Variants in CMIP observed in about 807,000 individuals in gnomAD.
CMIP encodes the protein c-Maf inducing protein.
In CMIP, 13 loss-of-function variants were observed where a neutral mutation model predicts 97.3. That is an observed-to-expected ratio of 0.13 (90% CI 0.09 to 0.21). The LOEUF is 0.21. CMIP is among the 10% of genes least tolerant of loss of function. CMIP has a pLI of 1.00. For synonymous variants in CMIP, 538 were observed against 436.3 expected, an observed-to-expected ratio of 1.23 and a Z score of -2.91; for missense variants, 847 against 1,024.9, an observed-to-expected ratio of 0.83 and a Z score of 2.37.
intron 1 of CMIP, among the ~76,000 whole-genome samples, chr16:81,526,782 C>T (rs769527366): frequency 5.7e-4 from 86 of 152,204 alleles, no homozygotes; most frequent in Non-Finnish European, 1.0e-3. Context: ...GGCCCCAGCC[C>T]GCCAGAGGAG....
At chr16:81,595,017 A>G (rs2091529964) in intron 1 of CMIP, among the ~76,000 whole-genome samples, 1 of 150,018 alleles carries the variant, frequency 6.7e-6, no homozygotes, top group Non-Finnish European at 1.5e-5. Flanking sequence ...ATACTACAAT[A>G]AAGGTAATAT....
chr16:81,692,004 C>T (rs1906135734), intron 11 of CMIP, among the ~76,000 whole-genome samples, 164 bp downstream of exon 11: 2 of 152,118 alleles, frequency 1.3e-5, no homozygotes, highest in Non-Finnish European at 2.9e-5. Context: ...AGCTGTGGGA[C>T]CCCTGGGGAG....
chr16:81,498,939 G>A (rs1036287027), intron 1 of CMIP, among the ~76,000 whole-genome samples: 3 of 152,160 alleles, frequency 2.0e-5, no homozygotes, highest in African/African-American at 7.2e-5. Context: ...ACACACACAT[G>A]CATACCATTT....
At chr16:81,519,679 T>A (rs781472266) in intron 1 of CMIP, 1 of 152,240 alleles carries the variant, frequency 6.6e-6, no homozygotes, top group Non-Finnish European at 1.5e-5. Flanking sequence ...GGGGTTGTTA[T>A]GACGATAAGA....
At chr16:81,497,230 G>A (rs2089507905) in intron 1 of CMIP, among the ~76,000 whole-genome samples, 1 of 152,208 alleles carries the variant, frequency 6.6e-6, no homozygotes, top group African/African-American at 2.4e-5. Context: ...GGCTCTGATG[G>A]CTCCCATTTA....
intron 1 of CMIP, among the ~76,000 whole-genome samples, chr16:81,475,772 TC>T (rs1907869530): frequency 6.6e-6 from 1 of 152,054 alleles, no homozygotes. Flanking sequence ...GATCATGAGG[TC>T]AGGAGATCAG....
rs1202084658 is a variant in CMIP at position 81,672,061 on chromosome 16, T to G, written c.1025T>G (p.Phe342Cys). 1 of 1,593,832 alleles carries G rather than the reference T, an allele frequency of 6.3e-7. No individual in the cohort carries two copies. The change falls in exon 9 of 21, where the codon TTC (phenylalanine) becomes TGC (cysteine). Residue 342 changes from phenylalanine (F) to cysteine (C), a missense_variant. This residue lies in a region of CMIP where 285 missense variants were observed against 392.2 expected (regional missense o/e 0.73). Coordinates refer to ENST00000537098, the MANE Select transcript of CMIP (RefSeq NM_198390.3). ...GCCATCTACTCCTGCTATGAAGAGT[T>G]CATCAACAGGTCAGTTGCTGAACCA... ...LAAIYSCYEEFINSRDNSPSL... is the reference protein window; with the variant it reads ...LAAIYSCYEECINSRDNSPSL...
intron 2 of CMIP, chr16:81,610,432 A>AAGG (rs2091812324): frequency 3.0e-6 from 3 of 985,388 alleles, no homozygotes; most frequent in Admixed American, 6.1e-5. Context: ...AGCAGAGGAA[A>AAGG]AGGAGGAGGA....
At chr16:81,701,913 T>G in intron 16 of CMIP, 113 bp downstream of exon 16, 1 of 1,350,286 alleles carries the variant, frequency 7.4e-7, no homozygotes, top group Non-Finnish European at 1.0e-6. Context: ...CTCGTTGAAT[T>G]CTCCTCCAAA....
chr16:81,669,635 TCCACACC>T (rs2092660397), intron 7 of CMIP, among the ~76,000 whole-genome samples: 3 of 126,908 alleles, frequency 2.4e-5, no homozygotes, highest in Admixed American at 8.0e-5. Flanking sequence ...CTCACCTCCT[TCCACACC>T]CACCTCACAC....
chr16:81,639,669 T>G (rs774941767), intron 3 of CMIP, among the ~76,000 whole-genome samples: 11 of 152,222 alleles, frequency 7.2e-5, no homozygotes, highest in Non-Finnish European at 1.2e-4. Context: ...CTGGGTTGCT[T>G]CTGCCTTTTG....
chr16:81,598,512 A>G (rs1262665303), intron 1 of CMIP, among the ~76,000 whole-genome samples: 1 of 152,234 alleles, frequency 6.6e-6, no homozygotes, highest in East Asian at 1.9e-4. Flanking sequence ...TTTAGGCTAC[A>G]AAGAACTTTA....
chr16:81,670,365 A>G, intron 8 of CMIP, 120 bp downstream of exon 8: 1 of 1,057,348 alleles, frequency 9.5e-7, no homozygotes. Context: ...TCTATGAGGA[A>G]GCCCCTAGCC....
intron 1 of CMIP, among the ~76,000 whole-genome samples, chr16:81,542,379 C>T (rs899680778): frequency 6.6e-6 from 1 of 152,176 alleles, no homozygotes; most frequent in Non-Finnish European, 1.5e-5. Flanking sequence ...GTTGTATGCT[C>T]TGTGAGGCAC....
chr16:81,695,917 G>GGA (rs35257343), intron 13 of CMIP: 43,348 of 150,302 alleles, frequency 0.29, 6,344 homozygotes, highest in Middle Eastern at 0.37. Flanking sequence ...CCAAAGAGGG[G>GGA]GAGAGAGAGA....
At chr16:81,603,204 C>T (rs530963711) in intron 1 of CMIP, among the ~76,000 whole-genome samples, 22 of 152,268 alleles carry the variant, frequency 1.4e-4, no homozygotes, top group South Asian at 4.1e-4. Context: ...CTCAGCCTCT[C>T]GAGTAGCTGG....
At chr16:81,565,322 C>G (rs375665642) in intron 1 of CMIP, among the ~76,000 whole-genome samples, 2 of 152,194 alleles carry the variant, frequency 1.3e-5, no homozygotes, top group South Asian at 2.1e-4. Flanking sequence ...GCCTCTCTCC[C>G]TGTTCCAGAT....
intron 1 of CMIP, among the ~76,000 whole-genome samples, chr16:81,576,659 A>G (rs2091194647): frequency 1.3e-5 from 2 of 152,084 alleles, no homozygotes; most frequent in South Asian, 4.1e-4. Context: ...GTGGTGTATT[A>G]CCCACTGCTG....
In CMIP at chr16:81,482,992, T is replaced by G. The variant is rs151143308; in HGVS notation, c.300+37451T>G. Among the ~76,000 whole-genome samples the G allele has an allele frequency of 3.4e-3, 524 of 152,358 alleles. 5 individuals are homozygous for G. Among genetic ancestry groups the G allele is most frequent in the African/African-American group, 0.012 (495 of 41,594 alleles). On this transcript the variant is annotated intron_variant, in intron 1 of 20. Coordinates refer to ENST00000537098, the MANE Select transcript of CMIP (RefSeq NM_198390.3). ...CAGGCACGGAGCAAAGCAGGCATCA[T>G]CCTGGCCTACTTGGAGCCCCCATTC...
Sources: gnomAD v4.1 joint callset for allele counts (sites outside exome capture counted in the v4.1 genomes callset) on GRCh38, gnomAD v4.1.1 for gene constraint, gnomAD v4.1.1 regional missense constraint, MANE v1.5 for transcripts, NCBI Gene and HGNC (gene_info 2026-07-23, HGNC 2026-07-21) for gene names.